Variants in SLCO3A1 observed in about 807,000 individuals in gnomAD.
The protein encoded by SLCO3A1 is PGE1 transporter.
SLCO3A1 carries 27 observed loss-of-function variants against 63.1 expected under a neutral mutation model. The observed-to-expected ratio is 0.43, with a 90% CI of 0.32 to 0.59. SLCO3A1 has a LOEUF of 0.59. Among genes scored for constraint, SLCO3A1 ranks in the 20% least tolerant of loss-of-function variants. SLCO3A1 has a pLI of 0.09. For synonymous variants in SLCO3A1, 473 were observed against 409.9 expected (o/e 1.15, Z -1.86); for missense variants, 773 against 945.8 (o/e 0.82, Z 2.40).
intron 2 of SLCO3A1, among the ~76,000 whole-genome samples, chr15:91,956,371 G>A (rs1900179053): frequency 6.6e-6 from 1 of 152,116 alleles, no homozygotes; most frequent in African/African-American, 2.4e-5. Context: ...TACCACTTCT[G>A]GGCAGCCTCA....
chr15:92,095,970 C>A (rs913966643), intron 3 of SLCO3A1, among the ~76,000 whole-genome samples: 5 of 152,222 alleles, frequency 3.3e-5, no homozygotes, highest in Non-Finnish European at 7.3e-5. Flanking sequence ...TTTCCTGTTG[C>A]TGCATAAGAA....
At chr15:91,995,109 C>T (rs2046174888) in intron 2 of SLCO3A1, among the ~76,000 whole-genome samples, 1 of 152,174 alleles carries the variant, frequency 6.6e-6, no homozygotes, top group Admixed American at 6.5e-5. Context: ...TTTTGAATCC[C>T]AACCACTAAT....
At chr15:91,924,936 C>T (rs1029841336) in intron 2 of SLCO3A1, among the ~76,000 whole-genome samples, 4 of 152,184 alleles carry the variant, frequency 2.6e-5, no homozygotes, top group Non-Finnish European at 5.9e-5. Context: ...GAACATAGCA[C>T]TGAAGTGTTT....
chr15:92,104,840 T>C (rs2047648034), intron 4 of SLCO3A1, among the ~76,000 whole-genome samples: 1 of 152,132 alleles, frequency 6.6e-6, no homozygotes, highest in East Asian at 1.9e-4. Context: ...AAGCAAAATA[T>C]TCTGTGGAGC....
At chr15:92,055,788 C>T (rs962574599) in intron 2 of SLCO3A1, among the ~76,000 whole-genome samples, 8 of 152,172 alleles carry the variant, frequency 5.3e-5, no homozygotes, top group East Asian at 1.9e-4. Flanking sequence ...TCAGGAAAGA[C>T]GTTGTCACAT....
At chr15:92,109,938 G>A (rs984934883) in intron 4 of SLCO3A1, among the ~76,000 whole-genome samples, 4 of 152,098 alleles carry the variant, frequency 2.6e-5, no homozygotes, top group Admixed American at 6.5e-5. Flanking sequence ...GCTGGACCTA[G>A]TTCTCCAGAT....
At chr15:91,970,106 A>T (rs568170442) in intron 2 of SLCO3A1, among the ~76,000 whole-genome samples, 1 of 151,948 alleles carries the variant, frequency 6.6e-6, no homozygotes, top group Non-Finnish European at 1.5e-5. Flanking sequence ...AACAAAAAAA[A>T]CTTACAGCCT....
At chr15:92,169,038 T>C (rs530476723), downstream of SLCO3A1, among the ~76,000 whole-genome samples, 6 of 152,212 alleles carry the variant, frequency 3.9e-5, no homozygotes, top group Non-Finnish European at 7.3e-5. Context: ...TTAACAGATA[T>C]GCCAGGTAAA....
chr15:91,983,525 A>G (rs1462385401), intron 2 of SLCO3A1, among the ~76,000 whole-genome samples: 3 of 152,172 alleles, frequency 2.0e-5, no homozygotes, highest in Admixed American at 6.5e-5. Flanking sequence ...TCCCGGACAG[A>G]TTGAGAACTG....
chr15:92,049,246 G>A (rs948345815), intron 2 of SLCO3A1, among the ~76,000 whole-genome samples: 2 of 152,096 alleles, frequency 1.3e-5, no homozygotes, highest in African/African-American at 4.8e-5. Context: ...CTTTAGCTTC[G>A]GTGCCAGCCC....
intron 2 of SLCO3A1, among the ~76,000 whole-genome samples, chr15:92,016,241 A>AT (rs748323189): frequency 1.9e-3 from 103 of 53,562 alleles, no homozygotes; most frequent in East Asian, 0.011. Flanking sequence ...AGATAGATAG[A>AT]TAGATAGATA....
intron 2 of SLCO3A1, among the ~76,000 whole-genome samples, chr15:92,057,021 C>T (rs879654963): frequency 1.3e-5 from 2 of 152,248 alleles, no homozygotes; most frequent in Non-Finnish European, 2.9e-5. Flanking sequence ...CAAGGTCTCC[C>T]TGTCTGTGCC....
intron 2 of SLCO3A1, among the ~76,000 whole-genome samples, chr15:92,086,918 G>A (rs1374160795): frequency 2.0e-5 from 3 of 151,592 alleles, no homozygotes; most frequent in African/African-American, 7.3e-5. Context: ...GGACGGCAGA[G>A]GTTCCAGTGA....
intron 2 of SLCO3A1, among the ~76,000 whole-genome samples, chr15:91,944,187 C>T (rs1194973127): frequency 6.6e-6 from 1 of 152,098 alleles, no homozygotes; most frequent in African/African-American, 2.4e-5. Flanking sequence ...GCCACTGGCA[C>T]ATAGGAAGCC....
chr15:92,078,022 A>G (rs2047299657), intron 2 of SLCO3A1, among the ~76,000 whole-genome samples: 1 of 152,148 alleles, frequency 6.6e-6, no homozygotes. Flanking sequence ...TGAGGATTAC[A>G]TTCTATGCAG....
intron 2 of SLCO3A1, among the ~76,000 whole-genome samples, chr15:92,037,616 C>T (rs534638782): frequency 2.0e-5 from 3 of 152,194 alleles, no homozygotes; most frequent in Non-Finnish European, 4.4e-5. Flanking sequence ...ATTTCTATAA[C>T]ACCAGGTTTG....
Position 92,165,518 on chromosome 15 carries a change from A to AGTT in SLCO3A1, c.*2384_*2386dup, listed in dbSNP as rs2151607426. 1 of 981,652 alleles carries AGTT rather than the reference A, an allele frequency of 1.0e-6. No individual in the cohort carries two copies. The highest frequency in any genetic ancestry group is 1.2e-6 in the Non-Finnish European group (1 of 826,958). 60.8% of individuals were successfully genotyped at this position (981,652 alleles called of 1,614,324 possible). A position where few individuals can be genotyped will look rare whatever the true frequency, so the allele number is the denominator to read the frequency against. On this transcript the variant is annotated 3_prime_UTR_variant, in exon 10 of 10. Coordinates refer to ENST00000318445, the MANE Select transcript of SLCO3A1 (RefSeq NM_013272.4). ...TTGCTTTGAGAGAAAAAAAAAAGAA[A>AGTT]GTTTTTTAAACTCTTTGCATTTTGG...
intron 2 of SLCO3A1, among the ~76,000 whole-genome samples, chr15:92,081,110 C>T (rs2047340299): frequency 6.6e-6 from 1 of 152,024 alleles, no homozygotes; most frequent in Admixed American, 6.6e-5. Flanking sequence ...TCCAGTGATA[C>T]TCTTTCAGTT....
chr15:91,934,630 A>C (rs1421029538), intron 2 of SLCO3A1, among the ~76,000 whole-genome samples: 1 of 152,206 alleles, frequency 6.6e-6, no homozygotes, highest in Non-Finnish European at 1.5e-5. Context: ...ACAAATTCTA[A>C]ATACTACTAC....
Sources: allele counts gnomAD v4.1 joint callset (sites outside exome capture counted in the v4.1 genomes callset), GRCh38; gene constraint gnomAD v4.1.1; transcripts MANE v1.5; gene names NCBI Gene and HGNC (gene_info 2026-07-23, HGNC 2026-07-21).